Variants in PTPRD observed in about 807,000 individuals in gnomAD.
PTPRD encodes the protein receptor-type tyrosine-protein phosphatase delta.
In PTPRD, 34 loss-of-function variants were observed where a neutral mutation model predicts 214.5. The ratio of observed to expected loss-of-function variants is 0.16; its 90% CI spans 0.12 to 0.21. PTPRD has a LOEUF of 0.21. PTPRD is among the 10% of genes least tolerant of loss of function. The probability of loss-of-function intolerance (pLI) is 1.00; values close to 1 mark genes in which losing one functional copy is unlikely to be tolerated. For synonymous variants in PTPRD, 1,128 were observed against 845.7 expected, an observed-to-expected ratio of 1.33 and a Z score of -5.79; for missense variants, 2,545 against 2,398.7, an observed-to-expected ratio of 1.06 and a Z score of -1.27.
At chr9:9,971,281 T>C (rs1213735330) in intron 4 of PTPRD, among the ~76,000 whole-genome samples, 2 of 152,150 alleles carry the variant, frequency 1.3e-5, no homozygotes, top group East Asian at 1.9e-4. Flanking sequence ...TTGAAATAAA[T>C]ACAGATGGAT....
intron 3 of PTPRD, among the ~76,000 whole-genome samples, chr9:10,194,080 A>G (rs1428617150): frequency 2.0e-5 from 3 of 151,984 alleles, no homozygotes; most frequent in Non-Finnish European, 2.9e-5. Flanking sequence ...CTCAGTATTC[A>G]AAGCAACGTT....
chr9:9,505,937 C>T (rs2096560424), intron 8 of PTPRD, among the ~76,000 whole-genome samples: 1 of 151,290 alleles, frequency 6.6e-6, no homozygotes, highest in South Asian at 2.1e-4. Context: ...CGGAAATACT[C>T]TCTCATCCCT....
intron 10 of PTPRD, among the ~76,000 whole-genome samples, chr9:9,048,927 A>T (rs1441501340): frequency 6.6e-6 from 1 of 152,216 alleles, no homozygotes; most frequent in African/African-American, 2.4e-5. Flanking sequence ...TGTACCCCAT[A>T]AATATATGCA....
chr9:8,610,627 T>C (rs1041998814), intron 14 of PTPRD, among the ~76,000 whole-genome samples: 1 of 152,214 alleles, frequency 6.6e-6, no homozygotes, highest in African/African-American at 2.4e-5. Context: ...CACCACAGAC[T>C]GACCTTTAAA....
Position 9,069,343 on chromosome 9 carries a change from G to A in PTPRD, c.-142-50608C>T, listed in dbSNP as rs571402711. ...GAAGAAAATAAAATTAGCCACAGTAGTATTCACACACAAAAAACTGGCTTT... is the reference window on the plus strand; with the variant it reads ...GAAGAAAATAAAATTAGCCACAGTAATATTCACACACAAAAAACTGGCTTT... On this transcript the variant is annotated intron_variant, in intron 10 of 45. Transcript: ENST00000381196. 4.1e-4 allele frequency among the ~76,000 whole-genome samples: 62 copies of A among 152,278 alleles called. 1 individual carries two copies. The South Asian group carries it at 0.012, about 30-fold the overall frequency.
At chr9:10,529,975 G>T (rs1393102294) in intron 2 of PTPRD, among the ~76,000 whole-genome samples, 1 of 151,462 alleles carries the variant, frequency 6.6e-6, no homozygotes, top group African/African-American at 2.4e-5. Context: ...AGACCTAGAC[G>T]ACAGGTTGTT....
chr9:9,076,384 T>TG lies in PTPRD; in HGVS notation c.-142-57650_-142-57649insC, dbSNP rs879676148. ...GCAGTTTCTTTTGCTGTGCAGAAGCTCTTTAGTTTAATTAGTGTAAGTGTT... is the reference window on the plus strand; with the variant it reads ...GCAGTTTCTTTTGCTGTGCAGAAGCTGCTTTAGTTTAATTAGTGTAAGTGTT... On this transcript the variant is annotated intron_variant, in intron 10 of 45. Transcript: ENST00000381196. Among the ~76,000 whole-genome samples the TG allele has an allele frequency of 9.9e-3, 1,508 of 152,206 alleles. 22 individuals carry two copies. The highest frequency in any genetic ancestry group is 0.034 in the African/African-American group (1,422 of 41,526).
chr9:8,531,524 A>C (rs2075687673), intron 14 of PTPRD, among the ~76,000 whole-genome samples: 1 of 152,144 alleles, frequency 6.6e-6, no homozygotes, highest in Non-Finnish European at 1.5e-5. Context: ...TACCGCCTTC[A>C]TAAAAATGAG....
intron 11 of PTPRD, among the ~76,000 whole-genome samples, chr9:8,903,591 A>G (rs2098687422): frequency 1.3e-5 from 2 of 152,220 alleles, no homozygotes; most frequent in Non-Finnish European, 2.9e-5. Flanking sequence ...AACAATTTTG[A>G]CATGAAGTAT....
chr9:10,368,282 G>T (rs1196795894), intron 2 of PTPRD, among the ~76,000 whole-genome samples: 2 of 151,986 alleles, frequency 1.3e-5, no homozygotes, highest in South Asian at 2.1e-4. Context: ...AATACAAAAA[G>T]AAGTTATCTA....
chr9:9,205,123 A>T (rs2099944066), intron 9 of PTPRD, among the ~76,000 whole-genome samples: 2 of 152,212 alleles, frequency 1.3e-5, no homozygotes, highest in Admixed American at 6.5e-5. Flanking sequence ...CAGTGAAATA[A>T]TAAATCACTT....
At chr9:10,088,277 C>T (rs1183394816) in intron 3 of PTPRD, among the ~76,000 whole-genome samples, 1 of 151,730 alleles carries the variant, frequency 6.6e-6, no homozygotes, top group Non-Finnish European at 1.5e-5. Context: ...TTTACCTAAA[C>T]ACCATGGCTT....
chr9:9,453,024 T>A, intron 8 of PTPRD, among the ~76,000 whole-genome samples: 1 of 150,664 alleles, frequency 6.6e-6, no homozygotes, highest in Admixed American at 6.6e-5. Context: ...TATTTTATTT[T>A]TTTTTTTTGC....
At chr9:8,766,065 G>C (rs1053676313) in intron 11 of PTPRD, among the ~76,000 whole-genome samples, 1 of 151,856 alleles carries the variant, frequency 6.6e-6, no homozygotes, top group South Asian at 2.1e-4. Context: ...TTGGTGGATA[G>C]TCATTGGTAG....
At chr9:8,932,149 T>C (rs950462440) in intron 11 of PTPRD, among the ~76,000 whole-genome samples, 2 of 152,204 alleles carry the variant, frequency 1.3e-5, no homozygotes, top group East Asian at 3.9e-4. Flanking sequence ...TTTTCGTGTC[T>C]GTATCTCCTT....
intron 5 of PTPRD, among the ~76,000 whole-genome samples, chr9:9,889,790 T>A (rs1035288325): frequency 2.2e-5 from 3 of 135,586 alleles, no homozygotes; most frequent in African/African-American, 9.3e-5. Flanking sequence ...TCCTGCTGAG[T>A]GTGTGTGTGT....
intron 9 of PTPRD, among the ~76,000 whole-genome samples, chr9:9,192,372 C>A (rs560708431): frequency 3.2e-4 from 49 of 152,146 alleles, no homozygotes; most frequent in Non-Finnish European, 5.0e-4. Context: ...AAGCGAGGGA[C>A]CTGCTTTGGT....
At chr9:9,097,850 G>A (rs888665747) in intron 10 of PTPRD, among the ~76,000 whole-genome samples, 1 of 152,106 alleles carries the variant, frequency 6.6e-6, no homozygotes, top group Non-Finnish European at 1.5e-5. Flanking sequence ...GAAAGATAGA[G>A]ATGGTGTTTT....
intron 2 of PTPRD, among the ~76,000 whole-genome samples, chr9:10,381,673 C>T (rs1462584856): frequency 1.3e-5 from 2 of 151,938 alleles, no homozygotes; most frequent in Non-Finnish European, 2.9e-5. Flanking sequence ...GGACATAACT[C>T]TTTCAGGAAA....
Sources: allele counts gnomAD v4.1 joint callset (sites outside exome capture counted in the v4.1 genomes callset), GRCh38; gene constraint gnomAD v4.1.1; transcripts MANE v1.5; gene names NCBI Gene and HGNC (gene_info 2026-07-23, HGNC 2026-07-21).